The following ORC4 variants were observed in gnomAD, a reference collection of about 807,000 sequenced individuals.
The protein encoded by ORC4 is origin recognition complex subunit 4.
In ORC4, 55 loss-of-function variants were observed where a neutral mutation model predicts 63.9. The ratio of observed to expected loss-of-function variants is 0.86; its 90% confidence interval spans 0.69 to 1.08. The LOEUF (loss-of-function observed/expected upper bound fraction) is 1.08, where lower values mean the gene tolerates loss of function less well. ORC4 is among the 50% of genes least tolerant of loss of function. ORC4 has a pLI of 0.00. For synonymous variants in ORC4, 150 were observed against 168.5 expected (o/e 0.89, Z 0.85); for missense variants, 511 against 504.4 (o/e 1.01, Z -0.13).
intron 4 of ORC4, among the ~76,000 whole-genome samples, 169 bp downstream of exon 4, chr2:147,972,570 C>T (rs575365912): frequency 2.6e-5 from 4 of 152,004 alleles, no homozygotes; most frequent in African/African-American, 9.6e-5. Flanking sequence ...TAAAGTTTTA[C>T]ATGTCTTCTG....
chr2:147,965,597 G>GA, intron 4 of ORC4, among the ~76,000 whole-genome samples: 1 of 152,252 alleles, frequency 6.6e-6, no homozygotes, highest in Admixed American at 6.5e-5. Context: ...TAGATCTAAA[G>GA]AGAGATAAAT....
chr2:148,003,070 G>A lies in ORC4; in HGVS notation c.-18+17563C>T, dbSNP rs180902954. Among the ~76,000 whole-genome samples the A allele has an allele frequency of 8.2e-4, 125 of 152,200 alleles. 1 individual carries two copies. The highest frequency in any genetic ancestry group is 3.4e-3 in the Middle Eastern group (1 of 294). ...CCCAAGACTAAACCAGGAAGAAGTC[G>A]AATCCCTAAATAGACCAATAGCAAG... is the stretch of plus-strand genomic sequence containing the variant. On this transcript the variant is annotated intron_variant, in intron 1 of 13. Transcript: ENST00000392857.
At chr2:147,943,680 C>T (rs748698770) in intron 9 of ORC4, among the ~76,000 whole-genome samples, 158 bp from the exon 10 acceptor site, 16 of 152,118 alleles carry the variant, frequency 1.1e-4, no homozygotes, top group South Asian at 4.1e-4. Context: ...AACACTAAAA[C>T]CAAAATAAAG....
In ORC4 at chr2:147,944,980, T is replaced by TA. The variant is rs1023171174; in HGVS notation, c.763-1459dup. ...TCCTTGGAAGTACACAGGGTGAACA[T>TA]AAAAAAAACAAAGTAATACCTTTTG... On this transcript the variant is annotated intron_variant, in intron 9 of 13. Coordinates refer to ENST00000392857, the MANE Select transcript of ORC4 (RefSeq NM_181741.4). 7.2e-5 allele frequency among the ~76,000 whole-genome samples: 11 copies of TA among 151,736 alleles called. 1 individual carries two copies. The highest frequency in any genetic ancestry group is 1.0e-4 in the Non-Finnish European group (7 of 67,894).
intron 2 of ORC4, among the ~76,000 whole-genome samples, chr2:147,974,348 A>G (rs1477534545): frequency 6.6e-6 from 1 of 152,142 alleles, no homozygotes. Flanking sequence ...AGATTAAAAA[A>G]GGGGGCTGGC....
At chr2:147,993,545 G>A (rs1033713464) in intron 1 of ORC4, among the ~76,000 whole-genome samples, 8 of 152,114 alleles carry the variant, frequency 5.3e-5, no homozygotes, top group South Asian at 4.1e-4. Flanking sequence ...TAGAGTCAAC[G>A]AAACGATATT....
intron 1 of ORC4, among the ~76,000 whole-genome samples, chr2:148,018,578 C>T (rs1027712763): frequency 7.5e-6 from 1 of 133,086 alleles, no homozygotes; most frequent in Non-Finnish European, 1.6e-5. Context: ...TTATACTATA[C>T]TTATTATACT....
intron 1 of ORC4, among the ~76,000 whole-genome samples, chr2:148,020,270 C>A (rs913632296): frequency 2.6e-5 from 4 of 152,118 alleles, no homozygotes; most frequent in African/African-American, 9.7e-5. Flanking sequence ...TGTCTCTGTC[C>A]CTAGATAGAA....
intron 1 of ORC4, among the ~76,000 whole-genome samples, chr2:147,989,720 A>G (rs1558865473): frequency 6.6e-6 from 1 of 151,230 alleles, no homozygotes; most frequent in Non-Finnish European, 1.5e-5. Context: ...AACAACAACA[A>G]TAGGAACAAC....
chr2:148,010,275 T>A (rs570837158), intron 1 of ORC4, among the ~76,000 whole-genome samples: 1 of 151,830 alleles, frequency 6.6e-6, no homozygotes, highest in Non-Finnish European at 1.5e-5. Flanking sequence ...TAGTAATGCA[T>A]CTTAAAGAAC....
chr2:148,015,663 G>T (rs1410495312), intron 1 of ORC4, among the ~76,000 whole-genome samples: 2 of 148,280 alleles, frequency 1.3e-5, no homozygotes, highest in Non-Finnish European at 3.0e-5. Flanking sequence ...CATTTTAATG[G>T]GCATTTCTTG....
chr2:147,953,895 T>A (rs1305655076), intron 7 of ORC4, among the ~76,000 whole-genome samples: 1 of 152,100 alleles, frequency 6.6e-6, no homozygotes, highest in Non-Finnish European at 1.5e-5. Flanking sequence ...ACCAAAGGGA[T>A]TACTCAAAAG....
chr2:147,968,660 A>C (rs1472131315), intron 4 of ORC4, among the ~76,000 whole-genome samples: 1 of 152,104 alleles, frequency 6.6e-6, no homozygotes, highest in Non-Finnish European at 1.5e-5. Context: ...GATGCAAAAA[A>C]AAGGAACTTT....
intron 1 of ORC4, among the ~76,000 whole-genome samples, chr2:148,011,838 A>T (rs148559050): frequency 3.1e-3 from 465 of 152,322 alleles, no homozygotes; most frequent in East Asian, 8.3e-3. Context: ...TGAAAAAGAA[A>T]TCAAGAAGGT....
intron 4 of ORC4, among the ~76,000 whole-genome samples, chr2:147,970,772 A>G (rs1690166034): frequency 6.6e-6 from 1 of 152,284 alleles, no homozygotes; most frequent in Non-Finnish European, 1.5e-5. Context: ...CGGTTTGGTG[A>G]TGAAGCTTCA....
intron 1 of ORC4, among the ~76,000 whole-genome samples, chr2:148,015,530 G>A (rs953019200): frequency 6.6e-6 from 1 of 151,778 alleles, no homozygotes; most frequent in Non-Finnish European, 1.5e-5. Context: ...TAGCCAGGAT[G>A]GTATCGATCT....
At chr2:147,999,287 G>T (rs909376236) in intron 1 of ORC4, among the ~76,000 whole-genome samples, 5 of 152,136 alleles carry the variant, frequency 3.3e-5, no homozygotes, top group African/African-American at 9.7e-5. Context: ...AGCAGAAGGT[G>T]AGGGTATCAG....
intron 1 of ORC4, among the ~76,000 whole-genome samples, chr2:147,989,625 T>G (rs1185169573): frequency 4.6e-5 from 7 of 152,054 alleles, no homozygotes; most frequent in African/African-American, 4.8e-5. Context: ...GAGAACTGCT[T>G]GAACCCAGGA....
intron 4 of ORC4, among the ~76,000 whole-genome samples, chr2:147,959,369 T>A (rs1476597379): frequency 6.6e-6 from 1 of 151,980 alleles, no homozygotes; most frequent in East Asian, 1.9e-4. Flanking sequence ...TTCTTTTTTT[T>A]AAAGAATTTG....
Sources: allele counts gnomAD v4.1 joint callset (sites outside exome capture counted in the v4.1 genomes callset), GRCh38; gene constraint gnomAD v4.1.1; transcripts MANE v1.5; gene names NCBI Gene and HGNC (gene_info 2026-07-23, HGNC 2026-07-21).